Variants in RFX4 observed in about 807,000 individuals in gnomAD.
RFX4 encodes the protein transcription factor RFX4.
In RFX4, 10 loss-of-function variants were observed where a neutral mutation model predicts 95.0. That is an observed-to-expected ratio of 0.11 (90% CI 0.06 to 0.18). The LOEUF is 0.18. Among genes scored for constraint, RFX4 ranks in the 10% least tolerant of loss-of-function variants. The pLI, the probability that RFX4 is intolerant of heterozygous loss-of-function variation, is 1.00. For missense variants in RFX4, 640 were observed against 922.0 expected, an observed-to-expected ratio of 0.69 and a Z score of 3.96; for synonymous variants, 321 against 340.7, an observed-to-expected ratio of 0.94 and a Z score of 0.64.
chr12:106,651,640 C>T (rs1396945360), intron 3 of RFX4, among the ~76,000 whole-genome samples: 1 of 152,102 alleles, frequency 6.6e-6, no homozygotes, highest in Non-Finnish European at 1.5e-5. Flanking sequence ...GGACATAGAT[C>T]ATGTCTTATG....
chr12:106,667,678 T>C (rs1376484501), intron 4 of RFX4, among the ~76,000 whole-genome samples: 3 of 152,210 alleles, frequency 2.0e-5, no homozygotes, highest in East Asian at 1.9e-4. Context: ...CACGATTCCC[T>C]GTATTTACCC....
Position 106,709,549 on chromosome 12 carries a change from G to A in RFX4, c.934+119G>A, listed in dbSNP as rs947654962. 4.3e-5 allele frequency: 28 copies of A among 656,372 alleles called. No homozygotes were observed. The East Asian group carries it at 8.1e-4, about 19-fold the overall frequency. The allele number at this position is 656,372 out of a possible 1,614,324, so 40.7% of individuals were successfully genotyped here. A position where few individuals can be genotyped will look rare whatever the true frequency, so the allele number is the denominator to read the frequency against. On this transcript the variant is annotated intron_variant, in intron 9 of 17. Coordinates refer to ENST00000392842, the MANE Select transcript of RFX4 (RefSeq NM_213594.3). ...TTACTGGTTGACTATAAAGCACCAG[G>A]TATTATACTAATTACTTTACATATG...
intron 3 of RFX4, among the ~76,000 whole-genome samples, chr12:106,651,405 T>C (rs1043674861): frequency 8.5e-5 from 13 of 152,220 alleles, no homozygotes; most frequent in Non-Finnish European, 1.5e-4. Flanking sequence ...AATGAGACCA[T>C]GGATACCCAG....
At chr12:106,693,060 C>T (rs1304028821) in intron 7 of RFX4, 1 of 418,576 alleles carries the variant, frequency 2.4e-6, no homozygotes, top group African/African-American at 2.1e-5. Context: ...TTCCCTCACC[C>T]TTCAGATCCA....
At chr12:106,611,746 C>T (rs372643871) in intron 2 of RFX4, among the ~76,000 whole-genome samples, 10 of 152,148 alleles carry the variant, frequency 6.6e-5, no homozygotes, top group African/African-American at 2.4e-4. Flanking sequence ...CTCCTGACCT[C>T]GTGATCTGCC....
chr12:106,599,964 C>T (rs2039676813), intron 1 of RFX4, among the ~76,000 whole-genome samples: 1 of 152,134 alleles, frequency 6.6e-6, no homozygotes, highest in African/African-American at 2.4e-5. Context: ...TGTTTAGCAG[C>T]ACCAGATGGA....
rs551067080 is a variant in RFX4 at position 106,638,587 on chromosome 12, C to A, written c.131-745C>A. ...CTGTTCAGGTTTTCATAACAAAATACCATAAACTGTGTGGGTTATGAACAA... is the reference window on the plus strand; with the variant it reads ...CTGTTCAGGTTTTCATAACAAAATAACATAAACTGTGTGGGTTATGAACAA... On this transcript the variant is annotated intron_variant, in intron 2 of 17. Coordinates refer to ENST00000392842, the MANE Select transcript of RFX4 (RefSeq NM_213594.3). Among the ~76,000 whole-genome samples, 105 of 152,244 alleles carry A rather than the reference C, an allele frequency of 6.9e-4. No individual in the cohort carries two copies. In the South Asian group the frequency reaches 0.012, roughly 17 times the overall value.
Position 106,668,024 on chromosome 12 carries a change from G to A in RFX4, c.315+13673G>A, listed in dbSNP as rs550180434. Among the ~76,000 whole-genome samples, 6 of 152,256 alleles carry A rather than the reference G, an allele frequency of 3.9e-5. No individual in the cohort carries two copies. In the East Asian group the frequency reaches 1.2e-3, roughly 29 times the overall value. Reference sequence around the variant, plus strand: ...TTATTACAAAAATTGGGGCTGTGGGGAAAGATGTCCCCCCCATGCCTCAAT... The same window carrying A: ...TTATTACAAAAATTGGGGCTGTGGGAAAAGATGTCCCCCCCATGCCTCAAT... On this transcript the variant is annotated intron_variant, in intron 4 of 17. Coordinates refer to ENST00000392842, the MANE Select transcript of RFX4 (RefSeq NM_213594.3).
chr12:106,648,631 T>C (rs929262910), intron 3 of RFX4, among the ~76,000 whole-genome samples: 2 of 150,422 alleles, frequency 1.3e-5, no homozygotes, highest in African/African-American at 4.9e-5. Context: ...GTGGGGTTTT[T>C]TTTTTTTTTT....
At position 106,586,630 on chromosome 12, in the gene RFX4, G is replaced by A. The variant is rs1004513782; in HGVS notation, c.43+3267G>A. 2.6e-5 allele frequency among the ~76,000 whole-genome samples: 4 copies of A among 152,186 alleles called. No homozygotes were observed. Among genetic ancestry groups the A allele is most frequent in the African/African-American group, 9.7e-5 (4 of 41,442 alleles). On this transcript the variant is annotated intron_variant, in intron 1 of 17. Transcript: ENST00000392842. This position sits in a 1 kb window ranked among gnomAD's most constrained non-coding sequence, Gnocchi z 5.6. ...ATCTCCAGAACCCAGAGCTGAGGCG[G>A]CCAAAGTACTTCCTGGAGCCGGATT...
Position 106,686,864 on chromosome 12 carries a change from T to A in RFX4, c.378-20T>A. 9 of 1,548,192 alleles carry A rather than the reference T, an allele frequency of 5.8e-6. No individual in the cohort carries two copies. Among genetic ancestry groups the A allele is most frequent in the Non-Finnish European group, 7.1e-6 (8 of 1,124,506 alleles). On this transcript the variant is annotated intron_variant, in intron 5 of 17. Transcript: ENST00000392842. ...CTTTTTTTTTTTTTCTCTCTCTCCC[T>A]CCCTCCCCTTGTGGCCCAGGTACCA...
At chr12:106,632,806 A>G (rs1257977678) in intron 2 of RFX4, among the ~76,000 whole-genome samples, 1 of 151,880 alleles carries the variant, frequency 6.6e-6, no homozygotes, top group Non-Finnish European at 1.5e-5. Context: ...AGTGCATGCC[A>G]CCGTATCTGG....
chr12:106,646,360 G>C (rs988658547), intron 3 of RFX4, among the ~76,000 whole-genome samples: 3 of 143,876 alleles, frequency 2.1e-5, no homozygotes, highest in African/African-American at 7.8e-5. Context: ...CTGTAGCCTA[G>C]GCCCCAAAAG....
chr12:106,719,566 G>T (rs1402659523), intron 11 of RFX4, among the ~76,000 whole-genome samples: 1 of 152,158 alleles, frequency 6.6e-6, no homozygotes, highest in African/African-American at 2.4e-5. Flanking sequence ...TGCTATGTGA[G>T]TGCAGAGGAG....
chr12:106,678,748 A>G lies in RFX4; in HGVS notation c.316-3245A>G, dbSNP rs1271880366. 2.6e-5 allele frequency among the ~76,000 whole-genome samples: 4 copies of G among 152,370 alleles called. No individual in the cohort carries two copies. In the East Asian group the frequency reaches 7.7e-4, roughly 29 times the overall value. On this transcript the variant is annotated intron_variant, in intron 4 of 17. Coordinates refer to ENST00000392842, the MANE Select transcript of RFX4 (RefSeq NM_213594.3). ...CAATTCTCTGTTATAAAACTATAAC[A>G]TAAACACAGATTGAGATCTGCTATT...
intron 1 of RFX4, among the ~76,000 whole-genome samples, chr12:106,593,022 G>A (rs558570079): frequency 1.8e-4 from 28 of 152,244 alleles, no homozygotes; most frequent in South Asian, 2.1e-4. Context: ...GGGAGATTAC[G>A]GAGTTTATGT....
intron 15 of RFX4, among the ~76,000 whole-genome samples, chr12:106,736,435 TGATGCTCAC>T (rs1309145962): frequency 6.6e-6 from 1 of 152,164 alleles, no homozygotes; most frequent in African/African-American, 2.4e-5. Context: ...CAGGTGATTT[TGATGCTCAC>T]TAGGTTAAGG....
At position 106,654,362 on chromosome 12, in the gene RFX4, C is replaced by T; in HGVS notation, c.315+11C>T. 2 of 1,612,922 alleles carry T rather than the reference C, an allele frequency of 1.2e-6. No individual in the cohort carries two copies. Among genetic ancestry groups the T allele is most frequent in the Non-Finnish European group, 8.5e-7 (1 of 1,179,412 alleles). ...GCCAGCTTTGGAAAGGTGAGTCCAGCCTCATCAGGCTTGTCCTCCCTACCA... is the reference window on the plus strand; with the variant it reads ...GCCAGCTTTGGAAAGGTGAGTCCAGTCTCATCAGGCTTGTCCTCCCTACCA... On this transcript the variant is annotated intron_variant, in intron 4 of 17. Transcript: ENST00000392842.
chr12:106,584,422 G>A (rs1220107235), intron 1 of RFX4, among the ~76,000 whole-genome samples: 1 of 152,196 alleles, frequency 6.6e-6, no homozygotes, highest in African/African-American at 2.4e-5. Context: ...CAGAAATAGG[G>A]CAGTGGACTC....
Sources: allele counts gnomAD v4.1 joint callset (sites outside exome capture counted in the v4.1 genomes callset), GRCh38; gene constraint gnomAD v4.1.1; non-coding constraint Gnocchi (gnomAD v3.1); transcripts MANE v1.5; gene names NCBI Gene and HGNC (gene_info 2026-07-23, HGNC 2026-07-21).